Variants in DNAH9 observed in about 807,000 individuals in gnomAD.
DNAH9 encodes dynein axonemal heavy chain 9, also known as DNAH9 variant protein.
A neutral mutation model predicts 471.6 loss-of-function variants in DNAH9; 345 were observed. That is an observed-to-expected ratio of 0.73 (90% CI 0.67 to 0.80). The LOEUF (loss-of-function observed/expected upper bound fraction) is 0.80. DNAH9 is among the 30% of genes least tolerant of loss of function. DNAH9 has a pLI of 0.00. For missense variants in DNAH9, 5,407 were observed against 5,609.2 expected (o/e 0.96, Z 1.15); for synonymous variants, 2,093 against 2,123.6 (o/e 0.99, Z 0.40).
intron 26 of DNAH9, among the ~76,000 whole-genome samples, chr17:11,713,135 T>G (rs1286330208): frequency 3.9e-5 from 6 of 152,180 alleles, no homozygotes; most frequent in Admixed American, 3.3e-4. Context: ...CTCCCACTTA[T>G]AAGTGTGAAC....
chr17:11,634,003 G>A (rs1309241714), intron 8 of DNAH9, among the ~76,000 whole-genome samples: 1 of 152,146 alleles, frequency 6.6e-6, no homozygotes, highest in Non-Finnish European at 1.5e-5. Context: ...TGTGTGCCAA[G>A]GGCATGCCTC....
At chr17:11,939,807 C>CATGGATGGATGGATGG (rs57669174) in intron 66 of DNAH9, among the ~76,000 whole-genome samples, 2,477 of 147,268 alleles carry the variant, frequency 0.017, 61 homozygotes, top group African/African-American at 0.042. Context: ...ATGTTAGATA[C>CATGGATGGATGGATGG]ATGGATGGAT....
chr17:11,877,472 C>CA (rs1972543998), intron 53 of DNAH9, among the ~76,000 whole-genome samples: 2 of 23,950 alleles, frequency 8.4e-5, no homozygotes, highest in Non-Finnish European at 1.5e-4. Flanking sequence ...AAAACTCTGT[C>CA]TAAAAAAAAA....
chr17:11,850,247 C>T (rs946698808), intron 49 of DNAH9, among the ~76,000 whole-genome samples: 2 of 152,196 alleles, frequency 1.3e-5, no homozygotes, highest in South Asian at 2.1e-4. Flanking sequence ...ACAAATGCAT[C>T]GGGCAGATAT....
intron 6 of DNAH9, among the ~76,000 whole-genome samples, chr17:11,625,213 T>A (rs1026166732): frequency 6.6e-6 from 1 of 152,198 alleles, no homozygotes; most frequent in Non-Finnish European, 1.5e-5. Flanking sequence ...AACTCTCATT[T>A]CCTTTATTAT....
intron 57 of DNAH9, 137 bp from the exon 58 acceptor site, chr17:11,891,640 C>G: frequency 1.0e-6 from 1 of 999,832 alleles, no homozygotes. Context: ...ACTGTGATCA[C>G]AGGCATGAGC....
At chr17:11,871,507 G>A in intron 51 of DNAH9, 91 bp from the exon 52 acceptor site, 1 of 1,137,458 alleles carries the variant, frequency 8.8e-7, no homozygotes, top group East Asian at 2.4e-5. Context: ...CCGCTATGAA[G>A]CGTGCAGCGG....
intron 17 of DNAH9, among the ~76,000 whole-genome samples, chr17:11,670,142 CTT>C (rs1412801602): frequency 1.3e-5 from 2 of 152,218 alleles, no homozygotes; most frequent in African/African-American, 4.8e-5. Context: ...TAATGGGCCT[CTT>C]TGTTTTACTT....
chr17:11,808,658 T>G (rs529506500), intron 44 of DNAH9, among the ~76,000 whole-genome samples: 23 of 152,312 alleles, frequency 1.5e-4, no homozygotes, highest in African/African-American at 5.5e-4. Flanking sequence ...CTTTCTTTAG[T>G]GCTTCCAAAA....
intron 67 of DNAH9, among the ~76,000 whole-genome samples, chr17:11,943,084 T>C (rs1974994771): frequency 1.3e-5 from 2 of 151,646 alleles, no homozygotes; most frequent in Non-Finnish European, 2.9e-5. Context: ...TTAGGAGAGA[T>C]GGGGTTTCAC....
In DNAH9 at chr17:11,598,727, G is replaced by T. The variant is rs1241750421; in HGVS notation, c.229G>T (p.Gly77Trp). 7.2e-6 allele frequency: 10 copies of T among 1,388,680 alleles called. No homozygotes were observed. The East Asian group carries it at 3.1e-4, about 42-fold the overall frequency. 86.0% of individuals were successfully genotyped at this position (1,388,680 alleles called of 1,614,324 possible). The change falls in exon 1 of 69, where the codon GGG (glycine) becomes TGG (tryptophan). Residue 77 changes from glycine to tryptophan, a missense_variant. By Grantham distance (184) the Gly-to-Trp change is radical. Transcript: ENST00000262442. ...GPRPLLVVRP[G>W]PRGLAIRPGL... ...GCGGCCGCTGCTGGTGGTGCGGCCC[G>T]GGCCCAGGGGCCTGGCAATACGCCC...
intron 15 of DNAH9, among the ~76,000 whole-genome samples, chr17:11,666,153 A>G (rs994159679): frequency 1.3e-5 from 2 of 152,204 alleles, no homozygotes; most frequent in African/African-American, 4.8e-5. Flanking sequence ...AGTCTGGATA[A>G]CTGGCTCTTA....
intron 57 of DNAH9, 36 bp from the exon 58 acceptor site, chr17:11,891,723 AGTGTATAGTAAGAGGGCT>A: frequency 1.0e-5 from 16 of 1,578,402 alleles, no homozygotes; most frequent in Non-Finnish European, 1.4e-5. Flanking sequence ...TAAGACCACT[AGTGTATAGTAAGAGGGCT>A]GTGTACCTTA....
intron 62 of DNAH9, among the ~76,000 whole-genome samples, chr17:11,927,518 T>G (rs773057857): frequency 4.2e-4 from 64 of 152,216 alleles, no homozygotes; most frequent in Non-Finnish European, 6.5e-4. Flanking sequence ...AGGGAATCCT[T>G]TCGCCATTGC....
rs899370620 is a variant in DNAH9 at position 11,605,923 on chromosome 17, TA to T, written c.418-2203del. ...AGACAGTGTACATTCAGTTATTTGA[TA>T]AACATCTTGAGTGCTTTCTATATGC... On this transcript the variant is annotated intron_variant, in intron 1 of 68. Transcript: ENST00000262442. Among the ~76,000 whole-genome samples the T allele has an allele frequency of 5.9e-4, 90 of 152,312 alleles. 1 individual carries two copies. The highest frequency in any genetic ancestry group is 2.1e-3 in the African/African-American group (86 of 41,574).
intron 19 of DNAH9, among the ~76,000 whole-genome samples, chr17:11,683,102 A>G (rs2074165336): frequency 6.6e-6 from 1 of 152,198 alleles, no homozygotes; most frequent in Admixed American, 6.5e-5. Context: ...GTTAACAACA[A>G]CCACTCCAAA....
At chr17:11,870,940 C>T (rs1972240052) in intron 51 of DNAH9, among the ~76,000 whole-genome samples, 2 of 152,260 alleles carry the variant, frequency 1.3e-5, no homozygotes, top group South Asian at 2.1e-4. Flanking sequence ...CAGACTGTGA[C>T]GTTCCATGAT....
intron 12 of DNAH9, among the ~76,000 whole-genome samples, chr17:11,648,971 C>CA (rs371594505): frequency 8.6e-4 from 130 of 152,002 alleles, no homozygotes; most frequent in African/African-American, 3.1e-3. Context: ...ACTAAAAATA[C>CA]AAAAAATTAG....
intron 49 of DNAH9, among the ~76,000 whole-genome samples, chr17:11,841,088 C>T (rs1971014905): frequency 2.6e-5 from 4 of 152,216 alleles, no homozygotes; most frequent in Non-Finnish European, 4.4e-5. Context: ...CCTCCCACAT[C>T]CTGGCCAACC....
Sources: allele counts gnomAD v4.1 joint callset (sites outside exome capture counted in the v4.1 genomes callset), GRCh38; gene constraint gnomAD v4.1.1; transcripts MANE v1.5; gene names NCBI Gene and HGNC (gene_info 2026-07-23, HGNC 2026-07-21).